The following MEGF6 variants were observed in gnomAD, a reference collection of about 807,000 sequenced individuals.
MEGF6 encodes the protein multiple EGF like domains 6, also known as multiple epidermal growth factor-like domains protein 6.
In MEGF6, 184 loss-of-function variants were observed where a neutral mutation model predicts 207.1. That is an observed-to-expected ratio of 0.89 (90% CI 0.79 to 1.00). The LOEUF (loss-of-function observed/expected upper bound fraction) is 1.00, where lower values mean the gene tolerates loss of function less well. Among genes scored for constraint, MEGF6 ranks in the 50% least tolerant of loss-of-function variants. The pLI is 0.00. For synonymous variants in MEGF6, 1,038 were observed against 910.0 expected, an observed-to-expected ratio of 1.14 and a Z score of -2.53; for missense variants, 2,282 against 2,202.9, an observed-to-expected ratio of 1.04 and a Z score of -0.72.
chr1:3,600,790 T>C (rs1433265302), intron 2 of MEGF6, among the ~76,000 whole-genome samples: 2 of 152,088 alleles, frequency 1.3e-5, no homozygotes, highest in African/African-American at 4.8e-5. Context: ...TGGGGCTGGT[T>C]CCAGTAGAGC....
At chr1:3,535,742 C>T (rs1642308291) in intron 4 of MEGF6, among the ~76,000 whole-genome samples, 1 of 152,234 alleles carries the variant, frequency 6.6e-6, no homozygotes, top group Admixed American at 6.5e-5. Context: ...AGCCAGTTTC[C>T]AGAGGAGAAA....
Position 3,556,795 on chromosome 1 carries a change from C to A in MEGF6, c.481+23030G>T, listed in dbSNP as rs1208916723. On this transcript the variant is annotated intron_variant, in intron 4 of 36. Coordinates refer to ENST00000356575, the MANE Select transcript of MEGF6 (RefSeq NM_001409.4). The surrounding 1 kb of genome is among the most constrained non-coding windows in gnomAD (Gnocchi z 4.4). ...CAGGTACTTCACGTCCCTGTCCCAA[C>A]CACACGCGCTCACAGACCGGAGAAT... Among the ~76,000 whole-genome samples the A allele has an allele frequency of 1.3e-5, 2 of 152,222 alleles. No individual in the cohort carries two copies. The highest frequency in any genetic ancestry group is 4.8e-5 in the African/African-American group (2 of 41,460).
intron 5 of MEGF6, among the ~76,000 whole-genome samples, chr1:3,523,054 C>G (rs1340988694): frequency 1.4e-5 from 2 of 145,470 alleles, no homozygotes. Flanking sequence ...CCATGGTGGC[C>G]GGGACATGTG....
At chr1:3,609,481 G>A (rs926993334) in intron 1 of MEGF6, among the ~76,000 whole-genome samples, 1 of 152,232 alleles carries the variant, frequency 6.6e-6, no homozygotes, top group Admixed American at 6.5e-5. Context: ...GTGAGCAGAG[G>A]CCTCCAGTGG....
At chr1:3,612,433 C>T (rs1029477289), upstream of MEGF6, among the ~76,000 whole-genome samples, 10 of 152,152 alleles carry the variant, frequency 6.6e-5, no homozygotes, top group Non-Finnish European at 8.8e-5. Flanking sequence ...ACTCCAGGGG[C>T]CAGGACCAGG....
intron 17 of MEGF6, among the ~76,000 whole-genome samples, chr1:3,503,080 C>T (rs1327135593): frequency 6.6e-6 from 1 of 152,182 alleles, no homozygotes; most frequent in Non-Finnish European, 1.5e-5. Flanking sequence ...CAGGATGTGC[C>T]CTGCCTGGGG....
intron 29 of MEGF6, 111 bp downstream of exon 29, chr1:3,496,544 G>T: frequency 6.8e-7 from 1 of 1,477,062 alleles, no homozygotes; most frequent in Non-Finnish European, 9.2e-7. Context: ...AGCCAGAGGG[G>T]GCTGAAGGGC....
At chr1:3,621,770 G>T in the MEGF6 span, among the ~76,000 whole-genome samples, 3 of 152,182 alleles carry the variant, frequency 2.0e-5, no homozygotes, top group African/African-American at 7.2e-5. Context: ...GCTTCCCAAG[G>T]CCTTGGAAGC....
In MEGF6 at chr1:3,493,779, C is replaced by T. The variant is rs1429777910; in HGVS notation, c.4379G>A (p.Cys1460Tyr). ...CAGGACCCCAGACTCACCCAGGTTA[C>T]AGGTGGCTCCTGAGCGCCCTGGTGG... is the stretch of plus-strand genomic sequence containing the variant. The part of the protein sequence containing the change: ...LCPPGRSGAT[C>Y]NLDCRRGQFG... Residue 1460 changes from cysteine to tyrosine, a missense_variant, in exon 34 of 37, where the codon TGT (cysteine) becomes TAT (tyrosine). Cys to Tyr is a radical substitution (Grantham distance 194). Coordinates refer to ENST00000356575, the MANE Select transcript of MEGF6 (RefSeq NM_001409.4). 2.5e-6 allele frequency: 4 copies of T among 1,612,020 alleles called. No individual in the cohort carries two copies. The African/African-American group carries it at 4.0e-5, about 16-fold the overall frequency.
intron 26 of MEGF6, among the ~76,000 whole-genome samples, chr1:3,498,092 CCT>C (rs970796407): frequency 2.1e-4 from 32 of 152,148 alleles, no homozygotes; most frequent in African/African-American, 2.2e-4. Context: ...GGAACGGCCC[CCT>C]GAGCCCCAAA....
the MEGF6 span, among the ~76,000 whole-genome samples, chr1:3,618,692 C>T: frequency 1.3e-5 from 2 of 152,210 alleles, no homozygotes; most frequent in Admixed American, 6.5e-5. This position sits in a 1 kb window ranked among gnomAD's most constrained non-coding sequence, Gnocchi z 4.7. Flanking sequence ...GTCTGCAAGA[C>T]ACCACCTGAG....
In MEGF6 at chr1:3,602,465, C is replaced by T; in HGVS notation, c.266+1G>A. On this transcript the variant is annotated splice_donor_variant, in intron 2 of 36. Transcript: ENST00000356575. LOFTEE classifies it high-confidence loss of function. ...CCCCCAACACGGGCCCCTGCACTTA[C>T]CTCCGCTCATGACCCACGCACCACG... 1 of 1,613,382 alleles carries T rather than the reference C, an allele frequency of 6.2e-7. No individual in the cohort carries two copies.
intron 29 of MEGF6, 150 bp downstream of exon 29, chr1:3,496,505 C>T: frequency 8.6e-7 from 1 of 1,168,722 alleles, no homozygotes; most frequent in Non-Finnish European, 1.2e-6. Flanking sequence ...TTCTGCCCCT[C>T]TGGCTTAGCC....
intron 5 of MEGF6, among the ~76,000 whole-genome samples, chr1:3,516,558 G>A (rs951799080): frequency 6.6e-6 from 1 of 152,184 alleles, no homozygotes; most frequent in Admixed American, 6.5e-5. Flanking sequence ...CCTCCTGGGG[G>A]ACTGCCACCA....
At chr1:3,519,158 G>GC in intron 5 of MEGF6, among the ~76,000 whole-genome samples, 2 of 152,182 alleles carry the variant, frequency 1.3e-5, no homozygotes, top group East Asian at 3.9e-4. Context: ...CCCCAGCAAG[G>GC]CCCCCACCCC....
rs748105857 is a variant in MEGF6 at position 3,560,832 on chromosome 1, G to A, written c.481+18993C>T. 1.6e-5 allele frequency: 7 copies of A among 450,652 alleles called. No individual in the cohort carries two copies. Among genetic ancestry groups the A allele is most frequent in the South Asian group, 3.2e-5 (2 of 63,016 alleles). The allele number at this position is 450,652 out of a possible 1,614,324, so 27.9% of individuals were successfully genotyped here. On this transcript the variant is annotated intron_variant, in intron 4 of 36. Coordinates refer to ENST00000356575, the MANE Select transcript of MEGF6 (RefSeq NM_001409.4). The surrounding 1 kb of genome is among the most constrained non-coding windows in gnomAD (Gnocchi z 4.0). Reference sequence around the variant, plus strand: ...GCAGCCAGGAACAGCCTCAGGCGTCGGCCGCGAGGGGGTTGCTGGGCTGGC... The same window carrying A: ...GCAGCCAGGAACAGCCTCAGGCGTCAGCCGCGAGGGGGTTGCTGGGCTGGC...
At position 3,505,486 on chromosome 1, in the gene MEGF6, G is replaced by C; in HGVS notation, c.1989C>G (p.Ser663=). Reference sequence around the variant, plus strand: ...AGCAGCTGCCATCCCTCTTGTCACAGGACTGCGTGTGGGGCTGCACACACT... The same window carrying C: ...AGCAGCTGCCATCCCTCTTGTCACACGACTGCGTGTGGGGCTGCACACACT... ...ECQCVQPHTQ[S]CDKRDGSCSC... is the part of the protein sequence containing the mutation. Residue 663 remains serine, a synonymous_variant, in exon 16 of 37, where the codon TCC becomes TCG. Coordinates refer to ENST00000356575, the MANE Select transcript of MEGF6 (RefSeq NM_001409.4). The C allele has an allele frequency of 6.2e-7, 1 of 1,608,956 alleles. No homozygotes were observed. The highest frequency in any genetic ancestry group is 8.5e-7 in the Non-Finnish European group (1 of 1,178,858).
intron 2 of MEGF6, among the ~76,000 whole-genome samples, chr1:3,599,882 A>G (rs546554357): frequency 6.6e-6 from 1 of 152,280 alleles, no homozygotes; most frequent in Admixed American, 6.5e-5. Context: ...CAGGCAGCCC[A>G]GAAAGGGTTA....
intron 3 of MEGF6, among the ~76,000 whole-genome samples, chr1:3,580,859 TG>T (rs1201139601): frequency 6.6e-6 from 1 of 152,082 alleles, no homozygotes; most frequent in Non-Finnish European, 1.5e-5. Context: ...CCCCGGAGCC[TG>T]TGTGACCTGT....
Sources: gnomAD v4.1 joint callset for allele counts (sites outside exome capture counted in the v4.1 genomes callset) on GRCh38, gnomAD v4.1.1 for gene constraint, Gnocchi (gnomAD v3.1) non-coding constraint, MANE v1.5 for transcripts, NCBI Gene and HGNC (gene_info 2026-07-23, HGNC 2026-07-21) for gene names.